Variants in EGFLAM observed in about 807,000 individuals in gnomAD.
EGFLAM encodes the protein pikachurin.
EGFLAM carries 79 observed loss-of-function variants against 113.1 expected under a neutral mutation model. The ratio of observed to expected loss-of-function variants is 0.70; its 90% CI spans 0.58 to 0.84. The LOEUF (loss-of-function observed/expected upper bound fraction) is 0.84, where lower values mean the gene tolerates loss of function less well. Ranked by LOEUF, EGFLAM falls within the 40% of genes least tolerant of loss-of-function variation. The probability of loss-of-function intolerance (pLI) is 0.00; values close to 1 mark genes in which losing one functional copy is unlikely to be tolerated. For synonymous variants in EGFLAM, 504 were observed against 487.6 expected (o/e 1.03, Z -0.44); for missense variants, 1,265 against 1,291.6 (o/e 0.98, Z 0.32).
intron 1 of EGFLAM, among the ~76,000 whole-genome samples, chr5:38,282,868 A>G (rs1344025573): frequency 6.6e-6 from 1 of 152,056 alleles, no homozygotes; most frequent in East Asian, 1.9e-4. Context: ...TTTCTGAGAC[A>G]AGGTCTTCTT....
intron 6 of EGFLAM, among the ~76,000 whole-genome samples, chr5:38,383,380 G>A (rs74993945): frequency 1.1e-3 from 162 of 149,790 alleles, no homozygotes; most frequent in African/African-American, 3.5e-3. Flanking sequence ...AGAGGAGTGG[G>A]TGATGAGAAA....
At chr5:38,446,324 T>C (rs1302565315) in intron 17 of EGFLAM, among the ~76,000 whole-genome samples, 1 of 152,082 alleles carries the variant, frequency 6.6e-6, no homozygotes, top group Non-Finnish European at 1.5e-5. Flanking sequence ...TTCTTTCCTT[T>C]TCTGTTTCCC....
chr5:38,305,371 C>A, intron 1 of EGFLAM: 1 of 391,222 alleles, frequency 2.6e-6, no homozygotes, highest in South Asian at 2.0e-5. Flanking sequence ...CCCAGCCAAA[C>A]TATCAATGAA....
chr5:38,399,147 A>T (rs1420542081), intron 6 of EGFLAM, among the ~76,000 whole-genome samples: 1 of 152,220 alleles, frequency 6.6e-6, no homozygotes, highest in Non-Finnish European at 1.5e-5. Context: ...GGGTTTGCAC[A>T]GGAGTCACAC....
intron 3 of EGFLAM, among the ~76,000 whole-genome samples, chr5:38,347,035 G>A (rs1442949030): frequency 1.3e-5 from 2 of 152,160 alleles, no homozygotes; most frequent in African/African-American, 4.8e-5. Flanking sequence ...TGGGCACCAA[G>A]GTGGAAATGG....
intron 5 of EGFLAM, among the ~76,000 whole-genome samples, chr5:38,361,456 A>AAATTTG (rs1427331025): frequency 6.6e-6 from 1 of 152,212 alleles, no homozygotes; most frequent in African/African-American, 2.4e-5. Context: ...TAGCACTGTG[A>AAATTTG]ACACACCACA....
intron 17 of EGFLAM, among the ~76,000 whole-genome samples, chr5:38,444,638 G>A (rs1360905155): frequency 6.6e-6 from 1 of 151,924 alleles, no homozygotes; most frequent in African/African-American, 2.4e-5. Flanking sequence ...TTAGGTATAG[G>A]GTTAGGTTAA....
intron 18 of EGFLAM, among the ~76,000 whole-genome samples, chr5:38,449,572 G>C (rs190279190): frequency 2.0e-5 from 3 of 152,294 alleles, no homozygotes; most frequent in Non-Finnish European, 4.4e-5. Context: ...CCACTAGGTG[G>C]TTTGGGGGAG....
chr5:38,445,580 A>G (rs1027430792), intron 17 of EGFLAM: 18 of 1,596,810 alleles, frequency 1.1e-5, no homozygotes, highest in Non-Finnish European at 1.5e-5. Context: ...GAGAGAAACA[A>G]GGCTGGCTTC....
At position 38,406,150 on chromosome 5, in the gene EGFLAM, G is replaced by T. The variant is rs769000420; in HGVS notation, c.737G>T (p.Arg246Leu). ...GGCCCTGAGGAGGCGGGAAGTGGCC[G>T]CTATGGACCCCGTTATATCACCGAC... ...TLCPEEAGSGRYGPRYITDMG... is the reference protein window; with the variant it reads ...TLCPEEAGSGLYGPRYITDMG... The change falls in exon 7 of 22, where the codon CGC becomes CTC. Residue 246 changes from arginine to leucine, a missense_variant. Transcript: ENST00000322350. 2 of 1,614,126 alleles carry T rather than the reference G, an allele frequency of 1.2e-6. No individual in the cohort carries two copies.
At chr5:38,367,063 G>A (rs1246611621) in intron 5 of EGFLAM, among the ~76,000 whole-genome samples, 1 of 152,156 alleles carries the variant, frequency 6.6e-6, no homozygotes, top group African/African-American at 2.4e-5. Context: ...GATCTCCTGA[G>A]GTATAGGGTG....
At position 38,432,795 on chromosome 5, in the gene EGFLAM, G is replaced by C. The variant is rs561102589; in HGVS notation, c.2166+1507G>C. ...TAAATAAGTTACTCTTCAGGACACA[G>C]TATTTACTATTAGGATCTAAGAGAC... On this transcript the variant is annotated intron_variant, in intron 15 of 21. Transcript: ENST00000322350. Among the ~76,000 whole-genome samples the C allele has an allele frequency of 6.6e-5, 10 of 152,348 alleles. No individual in the cohort carries two copies. In the East Asian group the frequency reaches 1.9e-3, roughly 29 times the overall value.
At chr5:38,264,922 T>TCC (rs1757595921) in intron 1 of EGFLAM, among the ~76,000 whole-genome samples, 1 of 152,176 alleles carries the variant, frequency 6.6e-6, no homozygotes, top group African/African-American at 2.4e-5. Context: ...TCACTGTGCT[T>TCC]CCCCTCCTAT....
In EGFLAM at chr5:38,464,456, C is replaced by T. The variant is rs958689019; in HGVS notation, c.*470C>T. 3.7e-5 allele frequency: 6 copies of T among 163,740 alleles called. No homozygotes were observed. The East Asian group carries it at 8.6e-4, about 24-fold the overall frequency. 10.1% of individuals were successfully genotyped at this position (163,740 alleles called of 1,614,324 possible). A position where few individuals can be genotyped will look rare whatever the true frequency, so the allele number is the denominator to read the frequency against. ...TGAACTTCACATTTCCCACATTGGC[C>T]CTTGGATTGTTCGGATTAACCCCTT... On this transcript the variant is annotated 3_prime_UTR_variant, in exon 22 of 22. Transcript: ENST00000322350.
Position 38,464,036 on chromosome 5 carries a change from A to G in EGFLAM, c.*50A>G, listed in dbSNP as rs1326393052. 2 of 1,610,594 alleles carry G rather than the reference A, an allele frequency of 1.2e-6. No homozygotes were observed. The highest frequency in any genetic ancestry group is 1.7e-5 in the Admixed American group (1 of 59,836). On this transcript the variant is annotated 3_prime_UTR_variant, in exon 22 of 22. Coordinates refer to ENST00000322350, the MANE Select transcript of EGFLAM (RefSeq NM_152403.4). ...CAGAGCCTTCTATTCTGAGAATCCC[A>G]GGGGCCCTCAGACCCTGCCTGATGC...
At chr5:38,380,396 C>T (rs1426814840) in intron 6 of EGFLAM, among the ~76,000 whole-genome samples, 6 of 152,182 alleles carry the variant, frequency 3.9e-5, no homozygotes, top group Non-Finnish European at 5.9e-5. Context: ...CCTGGAGAGC[C>T]TGCAATCCAA....
chr5:38,413,227 C>T (rs1332102638), intron 11 of EGFLAM, among the ~76,000 whole-genome samples: 1 of 124,298 alleles, frequency 8.0e-6, no homozygotes. Flanking sequence ...TAGAGTTTCA[C>T]TGTGTTGCCC....
chr5:38,291,769 G>A (rs1353035710), intron 1 of EGFLAM, among the ~76,000 whole-genome samples: 1 of 152,228 alleles, frequency 6.6e-6, no homozygotes, highest in Non-Finnish European at 1.5e-5. Flanking sequence ...GCTAGAAAAA[G>A]GAAGCAACTC....
rs768784759 is a variant in EGFLAM at position 38,451,319 on chromosome 5, T to C, written c.2548T>C (p.Ser850Pro). 4 of 1,612,990 alleles carry C rather than the reference T, an allele frequency of 2.5e-6. No homozygotes were observed. Among genetic ancestry groups the C allele is most frequent in the Non-Finnish European group, 3.4e-6 (4 of 1,179,270 alleles). ...TTATTTGTGTATTTCCTCCAGGGTG[T>C]CAGGATCAAGATCAAATGTGTTCAT... Reference protein sequence around the residue: ...YDNPDILKRVSGSRSNVFMRF... With the variant: ...YDNPDILKRVPGSRSNVFMRF... Residue 850 changes from serine (S) to proline (P), a missense_variant, in exon 19 of 22, where the codon TCA (serine) becomes CCA (proline). Ser to Pro is a moderately conservative substitution (Grantham distance 74, BLOSUM62 -1). Coordinates refer to ENST00000322350, the MANE Select transcript of EGFLAM (RefSeq NM_152403.4).
Sources: gnomAD v4.1 joint callset for allele counts (sites outside exome capture counted in the v4.1 genomes callset) on GRCh38, gnomAD v4.1.1 for gene constraint, MANE v1.5 for transcripts, NCBI Gene and HGNC (gene_info 2026-07-23, HGNC 2026-07-21) for gene names.